Variants in ADAM2 observed in about 807,000 individuals in gnomAD.
The protein encoded by ADAM2 is ADAM metallopeptidase domain 2.
ADAM2 carries 101 observed loss-of-function variants against 99.3 expected under a neutral mutation model. That is an observed-to-expected ratio of 1.02 (90% CI 0.87 to 1.20). The LOEUF is 1.20. Ranked by LOEUF, ADAM2 falls within the 50% of genes most tolerant of loss-of-function variation. The pLI is 0.00. For synonymous variants in ADAM2, 323 were observed against 287.6 expected (o/e 1.12, Z -1.25); for missense variants, 948 against 878.7 (o/e 1.08, Z -1.00).
chr8:39,807,271 T>C (rs1454439979), intron 7 of ADAM2, among the ~76,000 whole-genome samples: 4 of 152,232 alleles, frequency 2.6e-5, no homozygotes, highest in African/African-American at 9.6e-5. Flanking sequence ...GTTCTACTTA[T>C]CAGGTTTCAT....
chr8:39,752,255 T>A (rs969647789), intron 16 of ADAM2, among the ~76,000 whole-genome samples: 4 of 152,096 alleles, frequency 2.6e-5, no homozygotes, highest in African/African-American at 7.2e-5. Context: ...TATCAAACTT[T>A]CAATAAATAG....
rs186344415 is a variant in ADAM2, at chr8:39,761,402, T to A, written c.1508-121A>T. On this transcript the variant is annotated intron_variant, in intron 14 of 20. Transcript: ENST00000265708. ...CATTGTACAAAATAAGATCATACTA[T>A]AACATTCAAAATAAAAACTAGATTT... 259 of 496,880 alleles carry A rather than the reference T, an allele frequency of 5.2e-4. 1 individual carries two copies. Among genetic ancestry groups the A allele is most frequent in the African/African-American group, 4.4e-3 (224 of 50,738 alleles). The allele number at this position is 496,880 out of a possible 1,614,324, so 30.8% of individuals were successfully genotyped here. A position where few individuals can be genotyped will look rare whatever the true frequency, so the allele number is the denominator to read the frequency against.
chr8:39,747,536 C>A (rs1156359845), intron 18 of ADAM2, among the ~76,000 whole-genome samples: 1 of 152,130 alleles, frequency 6.6e-6, no homozygotes, highest in African/African-American at 2.4e-5. Flanking sequence ...GAGATTTTAA[C>A]AGAGGTGTTT....
rs1399716111 is a variant in ADAM2, at chr8:39,822,574, A to G, written c.268-912T>C. Among the ~76,000 whole-genome samples, 6 of 152,092 alleles carry G rather than the reference A, an allele frequency of 3.9e-5. No individual in the cohort carries two copies. The East Asian group carries it at 9.6e-4, about 24-fold the overall frequency. On this transcript the variant is annotated intron_variant, in intron 4 of 20. Coordinates refer to ENST00000265708, the MANE Select transcript of ADAM2 (RefSeq NM_001464.5). ...ACATTTGCACTTGAAAAGTATGTGT[A>G]TACACTTGATATATTTGCTGAATTT...
intron 16 of ADAM2, among the ~76,000 whole-genome samples, chr8:39,750,530 G>A (rs1801884559): frequency 6.6e-6 from 1 of 152,138 alleles, no homozygotes; most frequent in Non-Finnish European, 1.5e-5. Context: ...TTGGAAAAGA[G>A]AATGGAAAGG....
intron 15 of ADAM2, among the ~76,000 whole-genome samples, chr8:39,758,158 A>G (rs1802218594): frequency 6.6e-6 from 1 of 152,180 alleles, no homozygotes; most frequent in African/African-American, 2.4e-5. Flanking sequence ...ATGAATGAAT[A>G]TGTGATACAT....
intron 3 of ADAM2, among the ~76,000 whole-genome samples, chr8:39,825,973 G>C (rs534170033): frequency 6.6e-6 from 1 of 152,020 alleles, no homozygotes; most frequent in African/African-American, 2.4e-5. Context: ...GATTGCTTTG[G>C]GTACTATGGA....
At position 39,755,281 on chromosome 8, in the gene ADAM2, T is replaced by C. The variant is rs189925280; in HGVS notation, c.1797+447A>G. Among the ~76,000 whole-genome samples the C allele has an allele frequency of 5.9e-5, 9 of 152,340 alleles. No homozygotes were observed. In the East Asian group the frequency reaches 1.2e-3, roughly 20 times the overall value. On this transcript the variant is annotated intron_variant, in intron 16 of 20. Coordinates refer to ENST00000265708, the MANE Select transcript of ADAM2 (RefSeq NM_001464.5). ...TCATAGCAATGTCATATATGCATGA[T>C]TGCAAATATTTTATTCTTTTAAAGT...
intron 5 of ADAM2, 104 bp downstream of exon 5, chr8:39,821,482 T>A: frequency 1.1e-6 from 1 of 877,444 alleles, no homozygotes; most frequent in Non-Finnish European, 1.7e-6. Flanking sequence ...TTTTCCACAA[T>A]AGTCATGCCA....
intron 14 of ADAM2, among the ~76,000 whole-genome samples, chr8:39,765,809 G>A (rs1260960451): frequency 1.3e-5 from 2 of 152,106 alleles, no homozygotes. Context: ...ATTTTGGTTA[G>A]TGATAAGTGC....
intron 11 of ADAM2, among the ~76,000 whole-genome samples, chr8:39,772,752 A>G (rs1802832887): frequency 6.6e-6 from 1 of 152,042 alleles, no homozygotes; most frequent in Admixed American, 6.6e-5. Flanking sequence ...GAAATGTTCT[A>G]GTAACAATAC....
intron 3 of ADAM2, among the ~76,000 whole-genome samples, chr8:39,833,305 T>C (rs1805690759): frequency 6.6e-6 from 1 of 152,192 alleles, no homozygotes; most frequent in African/African-American, 2.4e-5. Context: ...CTATGAATTC[T>C]AGAAATGATA....
chr8:39,793,699 G>T (rs568941632), intron 7 of ADAM2, among the ~76,000 whole-genome samples: 11 of 152,102 alleles, frequency 7.2e-5, no homozygotes, highest in Non-Finnish European at 1.6e-4. Context: ...ATGTGCTGTG[G>T]TGCCAAAATC....
chr8:39,771,310 C>A (rs1483473726), intron 11 of ADAM2, among the ~76,000 whole-genome samples: 2 of 152,184 alleles, frequency 1.3e-5, no homozygotes, highest in Non-Finnish European at 2.9e-5. Flanking sequence ...CCTTACTACC[C>A]TTTATTCCCC....
intron 3 of ADAM2, among the ~76,000 whole-genome samples, chr8:39,832,208 G>A (rs1246217279): frequency 6.6e-6 from 1 of 152,106 alleles, no homozygotes; most frequent in African/African-American, 2.4e-5. Context: ...CTCAGAAATG[G>A]TCATGTTGCC....
At chr8:39,834,424 T>C (rs34190387) in intron 2 of ADAM2, among the ~76,000 whole-genome samples, 90,611 of 151,862 alleles carry the variant, frequency 0.6, 27,926 homozygotes, top group African/African-American at 0.75. Flanking sequence ...AGTACTATGT[T>C]GAGAGTGGGA....
At chr8:39,804,195 G>A (rs1804336620) in intron 7 of ADAM2, among the ~76,000 whole-genome samples, 1 of 152,218 alleles carries the variant, frequency 6.6e-6, no homozygotes, top group African/African-American at 2.4e-5. Flanking sequence ...GAACTAAAGT[G>A]AGAATATGCC....
At chr8:39,826,387 C>T (rs1805399969) in intron 3 of ADAM2, among the ~76,000 whole-genome samples, 1 of 152,162 alleles carries the variant, frequency 6.6e-6, no homozygotes, top group South Asian at 2.1e-4. Flanking sequence ...TGGACACCCA[C>T]ATGCAGAAAA....
intron 10 of ADAM2, among the ~76,000 whole-genome samples, chr8:39,786,200 C>T (rs539611361): frequency 6.6e-6 from 1 of 152,266 alleles, no homozygotes; most frequent in South Asian, 2.1e-4. Context: ...GTACTATGCT[C>T]AGTACCTGGG....
Sources: gnomAD v4.1 joint callset for allele counts (sites outside exome capture counted in the v4.1 genomes callset) on GRCh38, gnomAD v4.1.1 for gene constraint, MANE v1.5 for transcripts, NCBI Gene and HGNC (gene_info 2026-07-23, HGNC 2026-07-21) for gene names.